CUX2: variants seen among roughly 807,000 people sequenced by gnomAD.
The protein encoded by CUX2 is homeobox protein cut-like 2.
In CUX2, 40 loss-of-function variants were observed where a neutral mutation model predicts 144.8. The observed-to-expected ratio is 0.28, with a 90% CI of 0.21 to 0.36. The LOEUF (loss-of-function observed/expected upper bound fraction) is 0.36. Ranked by LOEUF, CUX2 falls within the 10% of genes least tolerant of loss-of-function variation. The pLI, the probability that CUX2 is intolerant of heterozygous loss-of-function variation, is 1.00. For synonymous variants in CUX2, 827 were observed against 875.6 expected, an observed-to-expected ratio of 0.94 and a Z score of 0.98; for missense variants, 1,615 against 1,994.0, an observed-to-expected ratio of 0.81 and a Z score of 3.62.
intron 18 of CUX2, among the ~76,000 whole-genome samples, chr12:111,325,380 C>T (rs961565581): frequency 1.3e-5 from 2 of 152,058 alleles, no homozygotes; most frequent in Admixed American, 1.3e-4. Flanking sequence ...AGTGCTTTGT[C>T]CTGTAATCTT....
chr12:111,149,342 A>G (rs1327096741), intron 1 of CUX2, among the ~76,000 whole-genome samples: 1 of 151,656 alleles, frequency 6.6e-6, no homozygotes, highest in Non-Finnish European at 1.5e-5. Context: ...CTTCCAAAAG[A>G]TTGGACACCC....
intron 4 of CUX2, among the ~76,000 whole-genome samples, chr12:111,279,107 G>T (rs1335074248): frequency 6.6e-6 from 1 of 152,186 alleles, no homozygotes; most frequent in Non-Finnish European, 1.5e-5. Context: ...TCGTAGCTGT[G>T]TACTTTCTAG....
chr12:111,135,206 AAAG>A (rs948782929), intron 1 of CUX2, among the ~76,000 whole-genome samples: 5 of 151,660 alleles, frequency 3.3e-5, no homozygotes, highest in East Asian at 1.9e-4. Context: ...AAGAAAAAAA[AAAG>A]AGAAGAAAGA....
At chr12:111,228,950 A>G (rs1390090787) in intron 3 of CUX2, among the ~76,000 whole-genome samples, 1 of 152,154 alleles carries the variant, frequency 6.6e-6, no homozygotes. Context: ...ACCACCATAG[A>G]CAATCTTTGT....
chr12:111,272,876 C>A (rs1884698064), intron 4 of CUX2, among the ~76,000 whole-genome samples: 1 of 152,222 alleles, frequency 6.6e-6, no homozygotes, highest in Non-Finnish European at 1.5e-5. Context: ...AACTTTGCTC[C>A]TCCCAGCAGC....
rs1407754000 is a variant in CUX2, at chr12:111,255,321, C to T, written c.223-8440C>T. Reference sequence around the variant, plus strand: ...TCAAAAACAAAAGTCAAACTTATTTCTTATTTAATCCCTGACATTAAAATG... The same window carrying T: ...TCAAAAACAAAAGTCAAACTTATTTTTTATTTAATCCCTGACATTAAAATG... On this transcript the variant is annotated intron_variant, in intron 3 of 21. Transcript: ENST00000261726. The surrounding 1 kb of genome is among the most constrained non-coding windows in gnomAD (Gnocchi z 4.1). Among the ~76,000 whole-genome samples, 1 of 152,226 alleles carries T rather than the reference C, an allele frequency of 6.6e-6. No homozygotes were observed. The highest frequency in any genetic ancestry group is 6.5e-5 in the Admixed American group (1 of 15,286).
chr12:111,065,640 CT>C (rs1870988739), intron 1 of CUX2, among the ~76,000 whole-genome samples: 1 of 152,150 alleles, frequency 6.6e-6, no homozygotes, highest in Non-Finnish European at 1.5e-5. Context: ...CCAGCCACCC[CT>C]GTGTTATTAA....
chr12:111,286,332 G>C (rs1885379542), intron 4 of CUX2, among the ~76,000 whole-genome samples: 1 of 152,174 alleles, frequency 6.6e-6, no homozygotes, highest in African/African-American at 2.4e-5. Context: ...TTACAGATGA[G>C]GAAACAGAGG....
Position 111,217,943 on chromosome 12 carries a change from A to C in CUX2, c.222+6A>C. On this transcript the variant is annotated splice_donor_region_variant and intron_variant, in intron 3 of 21. Coordinates refer to ENST00000261726, the MANE Select transcript of CUX2 (RefSeq NM_015267.4). ...TAAAAAGCTTCCAAGCCGAGGTAAG[A>C]CCCAGGGCCCACAGCATGTCAGAAA... 6.2e-7 allele frequency: 1 copy of C among 1,613,734 alleles called. No homozygotes were observed. Among genetic ancestry groups the C allele is most frequent in the Non-Finnish European group, 8.5e-7 (1 of 1,179,988 alleles).
chr12:111,063,258 C>CT (rs966227579), intron 1 of CUX2, among the ~76,000 whole-genome samples: 2 of 152,142 alleles, frequency 1.3e-5, no homozygotes, highest in Non-Finnish European at 2.9e-5. Context: ...ATACAGGCTT[C>CT]TTTTCTGCCA....
At chr12:111,185,900 C>T (rs73415937) in intron 1 of CUX2, among the ~76,000 whole-genome samples, 2,266 of 151,116 alleles carry the variant, frequency 0.015, 50 homozygotes, top group African/African-American at 0.051. Context: ...TCTCATTCTC[C>T]CTCTCTCTCT....
intron 3 of CUX2, among the ~76,000 whole-genome samples, chr12:111,224,117 A>G (rs1000003475): frequency 6.6e-6 from 1 of 152,128 alleles, no homozygotes; most frequent in African/African-American, 2.4e-5. Context: ...TCTGGCCACT[A>G]ATCTGATAAC....
chr12:111,249,449 T>G (rs891076527), intron 3 of CUX2, among the ~76,000 whole-genome samples: 10 of 142,580 alleles, frequency 7.0e-5, no homozygotes, highest in African/African-American at 2.1e-4. Context: ...TTTTTTGTTT[T>G]TTTTTTTTTT....
chr12:111,138,008 C>T (rs1019041029), intron 1 of CUX2, among the ~76,000 whole-genome samples: 2 of 152,200 alleles, frequency 1.3e-5, no homozygotes, highest in Non-Finnish European at 1.5e-5. Flanking sequence ...GGAAAGAGAC[C>T]GTATGGGTAG....
intron 4 of CUX2, among the ~76,000 whole-genome samples, chr12:111,285,050 C>T (rs1885308547): frequency 1.3e-5 from 2 of 152,164 alleles, no homozygotes; most frequent in Non-Finnish European, 2.9e-5. Flanking sequence ...GCCCAGGGTA[C>T]ACCTGGCCCT....
chr12:111,263,822 A>G lies in CUX2; in HGVS notation c.284A>G (p.Gln95Arg). ...AEAAFLSVYK[Q>R]LIEAPDPVPV... ...GCTGCTTTTCTGAGTGTTTACAAGC[A>G]ATTAATTGAAGCACCAGGTAAGAAA... Residue 95 changes from glutamine to arginine, a missense_variant, in exon 4 of 22, where the codon CAA becomes CGA. By Grantham distance (43) the Gln-to-Arg change is conservative. This residue lies in a region of CUX2 where 295 missense variants were observed against 400.2 expected (regional missense o/e 0.74). Transcript: ENST00000261726. This position sits in a 1 kb window ranked among gnomAD's most constrained non-coding sequence, Gnocchi z 4.0. The G allele has an allele frequency of 2.5e-6, 4 of 1,614,078 alleles. No homozygotes were observed. Among genetic ancestry groups the G allele is most frequent in the Non-Finnish European group, 3.4e-6 (4 of 1,179,928 alleles).
intron 3 of CUX2, among the ~76,000 whole-genome samples, chr12:111,262,179 G>A (rs1046221987): frequency 7.9e-5 from 12 of 152,082 alleles, no homozygotes; most frequent in Middle Eastern, 3.2e-3. Flanking sequence ...TGTCCCCACC[G>A]GACTGTAAGT....
intron 1 of CUX2, among the ~76,000 whole-genome samples, chr12:111,141,212 T>C (rs1876291016): frequency 6.8e-6 from 1 of 148,024 alleles, no homozygotes; most frequent in South Asian, 2.1e-4. Flanking sequence ...AATTAGGGAC[T>C]CAGGGGCTTA....
At chr12:111,146,186 C>T (rs1377719754) in intron 1 of CUX2, among the ~76,000 whole-genome samples, 1 of 152,252 alleles carries the variant, frequency 6.6e-6, no homozygotes, top group Non-Finnish European at 1.5e-5. Flanking sequence ...ACACTGACAC[C>T]TCATTATCAC....
Sources: gnomAD v4.1 joint callset for allele counts (sites outside exome capture counted in the v4.1 genomes callset) on GRCh38, gnomAD v4.1.1 for gene constraint, gnomAD v4.1.1 regional missense constraint, Gnocchi (gnomAD v3.1) non-coding constraint, MANE v1.5 for transcripts, NCBI Gene and HGNC (gene_info 2026-07-23, HGNC 2026-07-21) for gene names.